ATP11B: variants seen among roughly 807,000 people sequenced by gnomAD.
ATP11B encodes phospholipid-transporting ATPase IF.
In ATP11B, 81 loss-of-function variants were observed where a neutral mutation model predicts 157.8. The observed-to-expected ratio is 0.51, with a 90% confidence interval of 0.43 to 0.62. ATP11B has a LOEUF of 0.62. Ranked by LOEUF, ATP11B falls within the 20% of genes least tolerant of loss-of-function variation. ATP11B has a pLI of 0.00. For synonymous variants in ATP11B, 451 were observed against 469.4 expected, an observed-to-expected ratio of 0.96 and a Z score of 0.51; for missense variants, 1,165 against 1,402.2, an observed-to-expected ratio of 0.83 and a Z score of 2.70.
chr3:182,871,515 A>AT lies in ATP11B; in HGVS notation c.1867-835dup, dbSNP rs577068013. ...CATTTATTTGGTAAATCTAAAAAGT[A>AT]TTTTTTATAATGGCCATTTTATTGA... On this transcript the variant is annotated intron_variant, in intron 17 of 29. Coordinates refer to ENST00000323116, the MANE Select transcript of ATP11B (RefSeq NM_014616.3). 9.5e-4 allele frequency among the ~76,000 whole-genome samples: 144 copies of AT among 152,318 alleles called. 2 individuals are homozygous for AT. The highest frequency in any genetic ancestry group is 3.2e-3 in the African/African-American group (132 of 41,570).
chr3:182,810,149 C>T (rs1037775795), intron 1 of ATP11B, among the ~76,000 whole-genome samples: 1 of 151,966 alleles, frequency 6.6e-6, no homozygotes. Context: ...CTGGCCAACA[C>T]GGTGAAACCC....
chr3:182,818,692 A>G (rs1269480530), intron 1 of ATP11B, among the ~76,000 whole-genome samples: 3 of 152,218 alleles, frequency 2.0e-5, no homozygotes, highest in East Asian at 1.9e-4. Flanking sequence ...ATATCCCTCT[A>G]AGTTACATGG....
At chr3:182,825,126 G>T (rs1717629193) in intron 2 of ATP11B, among the ~76,000 whole-genome samples, 1 of 152,124 alleles carries the variant, frequency 6.6e-6, no homozygotes. Flanking sequence ...GCCATGATGA[G>T]CTTTTCTCCT....
At position 182,793,754 on chromosome 3, in the gene ATP11B, G is replaced by A; in HGVS notation, c.-6G>A. 7.1e-7 allele frequency: 1 copy of A among 1,410,066 alleles called. No homozygotes were observed. The allele number at this position is 1,410,066 out of a possible 1,614,324, so 87.3% of individuals were successfully genotyped here. Reference sequence around the variant, plus strand: ...CCCGCGGGACCCGGACGGCGACGACGGGGGAATGTGGCGCTGGATCCGGCA... The same window carrying A: ...CCCGCGGGACCCGGACGGCGACGACAGGGGAATGTGGCGCTGGATCCGGCA... On this transcript the variant is annotated 5_prime_UTR_variant, in exon 1 of 30. Transcript: ENST00000323116.
At chr3:182,839,644 C>G (rs1337042513) in intron 7 of ATP11B, among the ~76,000 whole-genome samples, 1 of 98,598 alleles carries the variant, frequency 1.0e-5, no homozygotes, top group Non-Finnish European at 2.2e-5. Flanking sequence ...GTGTCTCGCT[C>G]TGTTGCCCAG....
intron 28 of ATP11B, among the ~76,000 whole-genome samples, chr3:182,910,584 TAA>T: frequency 6.6e-6 from 1 of 152,162 alleles, no homozygotes; most frequent in East Asian, 1.9e-4. Context: ...CTAAAAATAA[TAA>T]AAATAAGGTG....
In ATP11B at chr3:182,865,698, A is replaced by C; in HGVS notation, c.1443A>C (p.Leu481=). The change falls in exon 13 of 30, where the codon CTA becomes CTC. Residue 481 remains leucine, a splice_region_variant and synonymous_variant. Transcript: ENST00000323116. ...CCAGTCCTGAAAATGAAACTGAACT[A>C]GTAAGTAATTTTTAAATTAATAAAT... ...FRTSPENETE[L]IKEHDLFFKA... is the part of the protein sequence containing the mutation. 6.3e-7 allele frequency: 1 copy of C among 1,597,462 alleles called. No individual in the cohort carries two copies. The highest frequency in any genetic ancestry group is 8.5e-7 in the Non-Finnish European group (1 of 1,173,460).
intron 22 of ATP11B, among the ~76,000 whole-genome samples, chr3:182,885,172 T>G (rs1197563532): frequency 6.6e-6 from 1 of 152,186 alleles, no homozygotes; most frequent in East Asian, 1.9e-4. Flanking sequence ...ATAATGGTTT[T>G]AAGTAGAGTT....
intron 25 of ATP11B, among the ~76,000 whole-genome samples, chr3:182,890,375 A>AT (rs1464894518): frequency 6.6e-6 from 1 of 152,230 alleles, no homozygotes; most frequent in African/African-American, 2.4e-5. Flanking sequence ...TTGGAAGAAT[A>AT]TAAAGTTTTA....
chr3:182,907,644 T>C (rs1724464937), intron 28 of ATP11B, among the ~76,000 whole-genome samples: 3 of 152,208 alleles, frequency 2.0e-5, no homozygotes, highest in African/African-American at 7.2e-5. Context: ...TTTAATAGGC[T>C]CTGATTGAGC....
At chr3:182,837,316 GA>G in intron 7 of ATP11B, 142 bp downstream of exon 7, 2 of 563,456 alleles carry the variant, frequency 3.5e-6, no homozygotes, top group East Asian at 3.0e-5. Flanking sequence ...AATTAATGGT[GA>G]AAAAAACTAA....
In ATP11B at chr3:182,845,529, A is replaced by G; in HGVS notation, c.769+7A>G. 1.3e-6 allele frequency: 2 copies of G among 1,564,754 alleles called. No homozygotes were observed. Among genetic ancestry groups the G allele is most frequent in the Non-Finnish European group, 1.7e-6 (2 of 1,158,948 alleles). The stretch of plus-strand genomic sequence containing the variant: ...AACACAAAAGAAATTTTTGGTTTGT[A>G]CATATTTAAACATTTTAAATTATTG... On this transcript the variant is annotated splice_region_variant and intron_variant, in intron 9 of 29. Transcript: ENST00000323116.
At chr3:182,902,163 G>A (rs1253567287) in intron 28 of ATP11B, among the ~76,000 whole-genome samples, 1 of 152,106 alleles carries the variant, frequency 6.6e-6, no homozygotes, top group Admixed American at 6.5e-5. Context: ...ATGGAGAAAT[G>A]GCTAGAAAGC....
intron 2 of ATP11B, among the ~76,000 whole-genome samples, chr3:182,821,688 G>A (rs1216955560): frequency 6.6e-6 from 1 of 152,162 alleles, no homozygotes; most frequent in Non-Finnish European, 1.5e-5. Context: ...AATATGGCTA[G>A]TGCACTCAGA....
At chr3:182,864,818 A>T (rs1345820401) in intron 12 of ATP11B, among the ~76,000 whole-genome samples, 1 of 152,056 alleles carries the variant, frequency 6.6e-6, no homozygotes, top group South Asian at 2.1e-4. Context: ...TTCTTTTTTC[A>T]TGGACATACT....
intron 1 of ATP11B, among the ~76,000 whole-genome samples, chr3:182,797,430 G>A (rs950305454): frequency 6.6e-6 from 1 of 152,162 alleles, no homozygotes; most frequent in African/African-American, 2.4e-5. Context: ...AAACCTGGCC[G>A]GGCAAGGTGG....
chr3:182,906,529 G>A (rs529044360), intron 28 of ATP11B, among the ~76,000 whole-genome samples: 4 of 152,052 alleles, frequency 2.6e-5, no homozygotes, highest in South Asian at 4.2e-4. Flanking sequence ...CTGCAGCCTC[G>A]ACCTCCCGGG....
intron 1 of ATP11B, among the ~76,000 whole-genome samples, chr3:182,801,792 A>T (rs1219512807): frequency 6.6e-6 from 1 of 152,198 alleles, no homozygotes; most frequent in Non-Finnish European, 1.5e-5. Flanking sequence ...AGTGATTATT[A>T]ATATAAGTTA....
rs573491980 is a variant in ATP11B, at chr3:182,915,923, A to G, written c.3452+1929A>G. On this transcript the variant is annotated intron_variant, in intron 29 of 29. Transcript: ENST00000323116. ...TTAGTAATTAATATCATATTAGACT[A>G]TAAATGCCCTTCCAGGTTTCTCCAA... is the stretch of plus-strand genomic sequence containing the variant. The G allele has an allele frequency of 2.5e-5, 24 of 976,304 alleles. No individual in the cohort carries two copies. The East Asian group carries it at 2.5e-3, about 102-fold the overall frequency. The allele number at this position is 976,304 out of a possible 1,614,324, so 60.5% of individuals were successfully genotyped here.
Sources: allele counts gnomAD v4.1 joint callset (sites outside exome capture counted in the v4.1 genomes callset), GRCh38; gene constraint gnomAD v4.1.1; transcripts MANE v1.5; gene names NCBI Gene and HGNC (gene_info 2026-07-23, HGNC 2026-07-21).